The following ARHGEF10 variants were observed in gnomAD, a reference collection of about 807,000 sequenced individuals.
ARHGEF10 encodes Rho guanine nucleotide exchange factor (GEF) 10.
ARHGEF10 carries 140 observed loss-of-function variants against 147.4 expected under a neutral mutation model. That is an observed-to-expected ratio of 0.95 (90% CI 0.83 to 1.09). The LOEUF is 1.09. Among genes scored for constraint, ARHGEF10 ranks in the 50% least tolerant of loss-of-function variants. ARHGEF10 has a pLI of 0.00. For synonymous variants in ARHGEF10, 902 were observed against 695.8 expected (o/e 1.30, Z -4.67); for missense variants, 2,222 against 1,752.7 (o/e 1.27, Z -4.78).
In ARHGEF10 at chr8:1,896,493, A is replaced by G. The variant is rs1291064708; in HGVS notation, c.1557+44A>G. 3 of 1,322,668 alleles carry G rather than the reference A, an allele frequency of 2.3e-6. No homozygotes were observed. The South Asian group carries it at 3.6e-5, about 16-fold the overall frequency. The allele number at this position is 1,322,668 out of a possible 1,614,324, so 81.9% of individuals were successfully genotyped here. A position where few individuals can be genotyped will look rare whatever the true frequency, so the allele number is the denominator to read the frequency against. On this transcript the variant is annotated intron_variant, in intron 14 of 28. Coordinates refer to ENST00000349830, the MANE Select transcript of ARHGEF10 (RefSeq NM_014629.4). ...CATTTGGGTTTTAACACCATCTGAT[A>G]ACAAGTTACATGTCAAAGCTTGACT...
At chr8:1,923,395 G>A (rs561630766) in intron 19 of ARHGEF10, 73 bp from the exon 20 acceptor site, 431 of 1,596,096 alleles carry the variant, frequency 2.7e-4, no homozygotes, top group Non-Finnish European at 3.5e-4. Flanking sequence ...TTAAAATTGT[G>A]TCTTTTTATC....
chr8:1,926,323 A>C (rs1261464267), intron 22 of ARHGEF10, 54 bp from the exon 23 acceptor site: 1 of 1,435,682 alleles, frequency 7.0e-7, no homozygotes, highest in African/African-American at 1.4e-5. Context: ...TATGTAGTCT[A>C]GGAGCCTCTT....
intron 1 of ARHGEF10, among the ~76,000 whole-genome samples, chr8:1,826,842 TG>T (rs1802801223): frequency 1.3e-5 from 2 of 152,202 alleles, no homozygotes; most frequent in Admixed American, 1.3e-4. Context: ...ATAGTTTGCC[TG>T]GGTAGAAAGG....
intron 11 of ARHGEF10, among the ~76,000 whole-genome samples, chr8:1,886,425 G>A (rs966964595): frequency 6.6e-6 from 1 of 152,204 alleles, no homozygotes; most frequent in East Asian, 1.9e-4. Flanking sequence ...GAGCAAGAGA[G>A]AGCATTGTCA....
rs1456888478 is a variant in ARHGEF10 at position 1,876,708 on chromosome 8, T to C, written c.817T>C (p.Phe273Leu). ...GTGCAAGAATGGGATTCCCAGGTCCTTCCTGCGCAGCAACCACAAAAAGCA... is the reference window on the plus strand; with the variant it reads ...GTGCAAGAATGGGATTCCCAGGTCCCTCCTGCGCAGCAACCACAAAAAGCA... The part of the protein sequence containing the change: ...SECKNGIPRS[F>L]LRSNHKKQLS... Residue 273 changes from phenylalanine (F) to leucine (L), a missense_variant, in exon 8 of 29, where the codon TTC (phenylalanine) becomes CTC (leucine). Phe to Leu is a conservative substitution (Grantham distance 22). Coordinates refer to ENST00000349830, the MANE Select transcript of ARHGEF10 (RefSeq NM_014629.4). The C allele has an allele frequency of 6.2e-7, 1 of 1,614,218 alleles. No individual in the cohort carries two copies. Among genetic ancestry groups the C allele is most frequent in the Non-Finnish European group, 8.5e-7 (1 of 1,180,040 alleles).
Position 1,923,055 on chromosome 8 carries a change from A to G in ARHGEF10, c.2235A>G (p.Ile745Met), listed in dbSNP as rs1184744300. Residue 745 changes from isoleucine to methionine, a missense_variant, in exon 19 of 29, where the codon ATA (isoleucine) becomes ATG (methionine). By Grantham distance (10) the Ile-to-Met change is conservative. Coordinates refer to ENST00000349830, the MANE Select transcript of ARHGEF10 (RefSeq NM_014629.4). ...TAATTGGCCAAATCACTCAGCTGAT[A>G]GGAAACCTTAAAGGAAACTATCAGG... Reference protein sequence around the residue: ...LNVIGQITQLIGNLKGNYQNL... With the variant: ...LNVIGQITQLMGNLKGNYQNL... 2.5e-6 allele frequency: 4 copies of G among 1,612,158 alleles called. No homozygotes were observed. In the Admixed American group the frequency reaches 6.7e-5, roughly 27 times the overall value.
chr8:1,883,462 C>T lies in ARHGEF10; in HGVS notation c.1075+713C>T, dbSNP rs574319217. Among the ~76,000 whole-genome samples, 3 of 152,170 alleles carry T rather than the reference C, an allele frequency of 2.0e-5. No homozygotes were observed. The East Asian group carries it at 5.8e-4, about 29-fold the overall frequency. On this transcript the variant is annotated intron_variant, in intron 10 of 28. Transcript: ENST00000349830. The stretch of plus-strand genomic sequence containing the variant: ...CTAATGTGCCTGTCTGGTGCTAGGA[C>T]GTGGGTAGCATTTGCTAATATCTGT...
intron 17 of ARHGEF10, among the ~76,000 whole-genome samples, chr8:1,906,325 C>CA (rs1213777518): frequency 1.3e-5 from 2 of 152,134 alleles, no homozygotes; most frequent in Non-Finnish European, 2.9e-5. Flanking sequence ...GCCAATTCGT[C>CA]ATGTCTTGCA....
intron 7 of ARHGEF10, among the ~76,000 whole-genome samples, chr8:1,874,198 T>G (rs946902878): frequency 6.6e-6 from 1 of 152,204 alleles, no homozygotes; most frequent in Admixed American, 6.5e-5. Flanking sequence ...CCTTGGAAGT[T>G]CCGTGTTTGC....
intron 1 of ARHGEF10, among the ~76,000 whole-genome samples, chr8:1,842,852 C>T (rs1385368023): frequency 2.6e-5 from 4 of 152,208 alleles, no homozygotes; most frequent in Non-Finnish European, 5.9e-5. Flanking sequence ...CAGCCTCGCC[C>T]CGAGAGGTTA....
intron 19 of ARHGEF10, 84 bp downstream of exon 19, chr8:1,923,163 C>T: frequency 9.3e-7 from 1 of 1,080,648 alleles, no homozygotes; most frequent in East Asian, 2.4e-5. Context: ...CAAGTTCTAC[C>T]AGAAGTGAGA....
At chr8:1,866,645 C>CCA (rs1250990970) in intron 6 of ARHGEF10, 43 bp downstream of exon 6, 1 of 1,574,808 alleles carries the variant, frequency 6.3e-7, no homozygotes, top group Non-Finnish European at 8.6e-7. Flanking sequence ...TCACCACGCT[C>CCA]CACAGACGTC....
intron 27 of ARHGEF10, 113 bp downstream of exon 27, chr8:1,945,768 A>G (rs951429146): frequency 6.2e-6 from 9 of 1,458,536 alleles, no homozygotes; most frequent in Non-Finnish European, 8.6e-6. Flanking sequence ...ACTGTTCACA[A>G]CATGCTGCCA....
chr8:1,887,521 G>C (rs1453719924), intron 11 of ARHGEF10, among the ~76,000 whole-genome samples: 1 of 150,616 alleles, frequency 6.6e-6, no homozygotes, highest in East Asian at 2.0e-4. Context: ...GACCCTGAGT[G>C]GGGTGAGGGA....
intron 23 of ARHGEF10, among the ~76,000 whole-genome samples, chr8:1,927,680 C>T (rs529839525): frequency 6.6e-6 from 1 of 152,172 alleles, no homozygotes; most frequent in South Asian, 2.1e-4. Context: ...TTTGGGAGGC[C>T]GAGGCGGGTG....
intron 2 of ARHGEF10, among the ~76,000 whole-genome samples, chr8:1,855,117 G>T (rs1805452540): frequency 6.6e-6 from 1 of 152,132 alleles, no homozygotes; most frequent in African/African-American, 2.4e-5. Context: ...TACAGTGTGG[G>T]TTCCGGTCCC....
At chr8:1,947,941 G>GTTTA in intron 27 of ARHGEF10, among the ~76,000 whole-genome samples, 1 of 151,988 alleles carries the variant, frequency 6.6e-6, no homozygotes, top group Non-Finnish European at 1.5e-5. Flanking sequence ...ACACAGTCCT[G>GTTTA]CACCCACCCA....
At chr8:1,864,521 G>T (rs1342064728) in intron 5 of ARHGEF10, 85 bp downstream of exon 5, 1 of 1,397,928 alleles carries the variant, frequency 7.2e-7, no homozygotes, top group Non-Finnish European at 1.0e-6. Context: ...GTGTGTCCCT[G>T]CCCGCCATCC....
chr8:1,951,967 G>T (rs1027874669), intron 27 of ARHGEF10, among the ~76,000 whole-genome samples: 3 of 5,170 alleles, frequency 5.8e-4, no homozygotes, highest in Admixed American at 2.2e-3. Context: ...GCGGGGTCTT[G>T]GAATAGGCCA....
Sources: gnomAD v4.1 joint callset for allele counts (sites outside exome capture counted in the v4.1 genomes callset) on GRCh38, gnomAD v4.1.1 for gene constraint, MANE v1.5 for transcripts, NCBI Gene and HGNC (gene_info 2026-07-23, HGNC 2026-07-21) for gene names.